MYT1: variants seen among roughly 807,000 people sequenced by gnomAD.
MYT1 encodes the protein myelin transcription factor I.
In MYT1, 23 loss-of-function variants were observed where a neutral mutation model predicts 123.0. The observed-to-expected ratio is 0.19, with a 90% confidence interval of 0.13 to 0.26. The LOEUF is 0.26. Among genes scored for constraint, MYT1 ranks in the 10% least tolerant of loss-of-function variants. The pLI is 1.00. For missense variants in MYT1, 1,125 were observed against 1,472.5 expected (o/e 0.76, Z 3.86); for synonymous variants, 518 against 575.3 (o/e 0.90, Z 1.43).
chr20:64,219,600 C>A, intron 12 of MYT1, 113 bp from the exon 13 acceptor site: 1 of 954,716 alleles, frequency 1.0e-6, no homozygotes, highest in Non-Finnish European at 1.6e-6. Flanking sequence ...CGTTGTCCTG[C>A]TTCCTTCTAT....
At chr20:64,169,211 G>T (rs1982171251) in intron 1 of MYT1, among the ~76,000 whole-genome samples, 1 of 152,070 alleles carries the variant, frequency 6.6e-6, no homozygotes, top group African/African-American at 2.4e-5. Context: ...ATGCTCCATG[G>T]TGCACCAAGG....
At position 64,167,058 on chromosome 20, in the gene MYT1, G is replaced by C. The variant is rs1982103011; in HGVS notation, c.-99+2319G>C. ...AATGACATTTGTGGTGGTGTGGTGG[G>C]TAGAGGAGACCCACACCACTCTGCA... is the stretch of plus-strand genomic sequence containing the variant. On this transcript the variant is annotated intron_variant, in intron 1 of 22. Transcript: ENST00000328439. This position sits in a 1 kb window ranked among gnomAD's most constrained non-coding sequence, Gnocchi z 6.3. Among the ~76,000 whole-genome samples, 1 of 152,246 alleles carries C rather than the reference G, an allele frequency of 6.6e-6. No individual in the cohort carries two copies. The highest frequency in any genetic ancestry group is 1.5e-5 in the Non-Finnish European group (1 of 68,012).
At chr20:64,228,123 A>G (rs1414852939) in intron 18 of MYT1, 152 bp downstream of exon 18, 20 of 714,462 alleles carry the variant, frequency 2.8e-5, no homozygotes, top group Non-Finnish European at 4.3e-5. Flanking sequence ...TTTCATTTTT[A>G]TGGAAGCTCT....
chr20:64,224,920 G>A (rs530635329), intron 16 of MYT1, among the ~76,000 whole-genome samples: 1 of 152,288 alleles, frequency 6.6e-6, no homozygotes, highest in East Asian at 1.9e-4. Context: ...GGCACAGTTC[G>A]GGCCTGGAGA....
rs905765032 is a variant in MYT1 at position 64,209,643 on chromosome 20, C to A, written c.1291+1156C>A. On this transcript the variant is annotated intron_variant, in intron 7 of 22. Coordinates refer to ENST00000328439, the MANE Select transcript of MYT1 (RefSeq NM_004535.3). The stretch of plus-strand genomic sequence containing the variant: ...TGACTCAGGTGCTGGAGCCACGAAC[C>A]AAAAATGCAGGAGACACGGAATTGC... Among the ~76,000 whole-genome samples the A allele has an allele frequency of 2.0e-5, 3 of 152,188 alleles. 1 individual carries two copies.
At position 64,186,334 on chromosome 20, in the gene MYT1, G is replaced by A. The variant is rs570524157; in HGVS notation, c.-98-3729G>A. 6.6e-6 allele frequency among the ~76,000 whole-genome samples: 1 copy of A among 152,340 alleles called. No homozygotes were observed. Among genetic ancestry groups the A allele is most frequent in the East Asian group, 1.9e-4 (1 of 5,180 alleles). On this transcript the variant is annotated intron_variant, in intron 1 of 22. Coordinates refer to ENST00000328439, the MANE Select transcript of MYT1 (RefSeq NM_004535.3). This position sits in a 1 kb window ranked among gnomAD's most constrained non-coding sequence, Gnocchi z 4.3. ...GCTTGTTTTCCAGGAGACGTGCTCA[G>A]GATGGAGCGGTCTCTGATGTTCCGT...
chr20:64,176,542 G>A (rs1429102838), intron 1 of MYT1, among the ~76,000 whole-genome samples: 1 of 151,748 alleles, frequency 6.6e-6, no homozygotes, highest in Non-Finnish European at 1.5e-5. Flanking sequence ...CCTATTTCTG[G>A]AGGTCCCCAC....
In MYT1 at chr20:64,208,001, G is replaced by A; in HGVS notation, c.805G>A (p.Glu269Lys). The A allele has an allele frequency of 1.9e-6, 3 of 1,539,906 alleles. No homozygotes were observed. The highest frequency in any genetic ancestry group is 2.6e-6 in the Non-Finnish European group (3 of 1,136,284). ...EEDEEEEEEE[E>K]EEEEDEEEEE... ...GGACGAGGAGGAGGAGGAGGAGGAA[G>A]AGGAGGAGGAGGAGGATGAAGAAGA... The change falls in exon 7 of 23, where the codon GAG becomes AAG. Residue 269 changes from glutamate (E) to lysine (K), a missense_variant. By Grantham distance (56) the Glu-to-Lys change is moderately conservative (BLOSUM62 1). Transcript: ENST00000328439. This position sits in a 1 kb window ranked among gnomAD's most constrained non-coding sequence, Gnocchi z 5.4.
At chr20:64,195,117 G>A (rs188693638) in intron 2 of MYT1, among the ~76,000 whole-genome samples, 101 of 151,862 alleles carry the variant, frequency 6.7e-4, no homozygotes, top group Non-Finnish European at 1.2e-3. Context: ...GCCTCCCAAA[G>A]TGCTGGGATT....
intron 6 of MYT1, among the ~76,000 whole-genome samples, chr20:64,207,072 C>CG (rs1468252213): frequency 6.6e-6 from 1 of 152,154 alleles, no homozygotes; most frequent in African/African-American, 2.4e-5. Context: ...TTAGTAGAGA[C>CG]AGGGTTTCGC....
rs535276740 is a variant in MYT1 at position 64,177,254 on chromosome 20, A to T, written c.-99+12515A>T. Among the ~76,000 whole-genome samples the T allele has an allele frequency of 3.9e-5, 6 of 152,270 alleles. No homozygotes were observed. The South Asian group carries it at 1.0e-3, about 26-fold the overall frequency. On this transcript the variant is annotated intron_variant, in intron 1 of 22. Transcript: ENST00000328439. ...AATAATGAGAGAAATGTGCAAAGCT[A>T]TAGAATTGCCAACTCCCTGCCCCCA...
chr20:64,176,716 C>G (rs987478699), intron 1 of MYT1, among the ~76,000 whole-genome samples: 3 of 152,238 alleles, frequency 2.0e-5, no homozygotes, highest in Admixed American at 6.5e-5. Flanking sequence ...GTTCCGGGCA[C>G]CCGGCCTGGG....
At chr20:64,180,926 C>T (rs1239535366) in intron 1 of MYT1, among the ~76,000 whole-genome samples, 1 of 152,202 alleles carries the variant, frequency 6.6e-6, no homozygotes, top group African/African-American at 2.4e-5. Flanking sequence ...GTTCAATGCT[C>T]AGTTTTTGAG....
chr20:64,235,617 T>TGTGGTGGGTGACCCTGGGCTGGCC (rs1568722594), intron 19 of MYT1, among the ~76,000 whole-genome samples: 2 of 92,014 alleles, frequency 2.2e-5, no homozygotes, highest in East Asian at 3.8e-4. Flanking sequence ...CCGAGCTGGC[T>TGTGGTGGGTGACCCTGGGCTGGCC]GTGGTGGGTG....
intron 1 of MYT1, among the ~76,000 whole-genome samples, chr20:64,171,700 C>T (rs1052651970): frequency 4.9e-5 from 7 of 143,378 alleles, no homozygotes; most frequent in African/African-American, 1.3e-4. Context: ...AACCCCTAAC[C>T]TCTGGCATCT....
chr20:64,223,572 T>A (rs1568717366), intron 16 of MYT1, among the ~76,000 whole-genome samples: 1 of 152,104 alleles, frequency 6.6e-6, no homozygotes, highest in Non-Finnish European at 1.5e-5. Context: ...TGAGCTCTGC[T>A]GTTTGCCTCT....
rs1438268749 is a variant in MYT1, at chr20:64,186,944, A to G, written c.-98-3119A>G. The stretch of plus-strand genomic sequence containing the variant: ...TTTCCGTGGAGAGTTTTCCTGTAGC[A>G]CGTGGCTCCGGCATCCACGTTTCCG... On this transcript the variant is annotated intron_variant, in intron 1 of 22. Transcript: ENST00000328439. The surrounding 1 kb of genome is among the most constrained non-coding windows in gnomAD (Gnocchi z 4.3). Among the ~76,000 whole-genome samples, 1 of 94,014 alleles carries G rather than the reference A, an allele frequency of 1.1e-5. No individual in the cohort carries two copies. Among genetic ancestry groups the G allele is most frequent in the African/African-American group, 4.3e-5 (1 of 23,436 alleles). The allele number at this position is 94,014 out of a possible 152,430, so 61.7% of individuals were successfully genotyped here.
At chr20:64,177,880 C>T (rs1306337266) in intron 1 of MYT1, among the ~76,000 whole-genome samples, 2 of 152,176 alleles carry the variant, frequency 1.3e-5, no homozygotes, top group Non-Finnish European at 2.9e-5. Context: ...GTGCCTGGTC[C>T]CCTGGGCTTT....
In MYT1 at chr20:64,203,228, G is replaced by A. The variant is rs543978973; in HGVS notation, c.87-1807G>A. On this transcript the variant is annotated intron_variant, in intron 4 of 22. Transcript: ENST00000328439. The surrounding 1 kb of genome is among the most constrained non-coding windows in gnomAD (Gnocchi z 5.1). ...AGCTGAGGGTGACGTGTTCAGGGCA[G>A]TCCGGTCCCCACAGGCCTCCACAGC... Among the ~76,000 whole-genome samples, 3 of 152,332 alleles carry A rather than the reference G, an allele frequency of 2.0e-5. No homozygotes were observed. Among genetic ancestry groups the A allele is most frequent in the African/African-American group, 7.2e-5 (3 of 41,574 alleles).
Sources: gnomAD v4.1 joint callset for allele counts (sites outside exome capture counted in the v4.1 genomes callset) on GRCh38, gnomAD v4.1.1 for gene constraint, Gnocchi (gnomAD v3.1) non-coding constraint, MANE v1.5 for transcripts, NCBI Gene and HGNC (gene_info 2026-07-23, HGNC 2026-07-21) for gene names.